Variants in MAPRE3 observed in about 807,000 individuals in gnomAD.
The protein encoded by MAPRE3 is microtubule-associated protein RP/EB family member 3.
Under a neutral mutation model 30.5 loss-of-function variants are expected in MAPRE3, and 2 were observed. The ratio of observed to expected loss-of-function variants is 0.07; its 90% CI spans 0.03 to 0.21. The LOEUF (loss-of-function observed/expected upper bound fraction) is 0.21. Among genes scored for constraint, MAPRE3 ranks in the 10% least tolerant of loss-of-function variants. The probability of loss-of-function intolerance (pLI) is 1.00; values close to 1 mark genes in which losing one functional copy is unlikely to be tolerated. For synonymous variants in MAPRE3, 110 were observed against 127.7 expected (o/e 0.86, Z 0.93); for missense variants, 204 against 351.8 (o/e 0.58, Z 3.36).
intron 1 of MAPRE3, among the ~76,000 whole-genome samples, chr2:27,021,184 T>C (rs915947472): frequency 3.9e-5 from 6 of 152,220 alleles, no homozygotes; most frequent in Admixed American, 3.3e-4. Context: ...GGGACTTGAC[T>C]GTGCATTGAC....
At chr2:26,997,126 A>G (rs1461102689) in intron 1 of MAPRE3, among the ~76,000 whole-genome samples, 1 of 152,172 alleles carries the variant, frequency 6.6e-6, no homozygotes, top group African/African-American at 2.4e-5. Context: ...CAATAGTAGA[A>G]ATTAGCAGTC....
chr2:26,984,268 A>G (rs1666173860), intron 1 of MAPRE3, among the ~76,000 whole-genome samples: 1 of 152,242 alleles, frequency 6.6e-6, no homozygotes, highest in Non-Finnish European at 1.5e-5. Context: ...TTAGAATTAA[A>G]TATTTATGAA....
At chr2:27,011,593 C>T (rs1477068227) in intron 1 of MAPRE3, among the ~76,000 whole-genome samples, 1 of 152,092 alleles carries the variant, frequency 6.6e-6, no homozygotes, top group East Asian at 1.9e-4. Context: ...TGCCTGTAAT[C>T]CTAGCACTTT....
intron 1 of MAPRE3, among the ~76,000 whole-genome samples, chr2:27,003,607 A>G (rs1666653992): frequency 6.6e-6 from 1 of 152,268 alleles, no homozygotes; most frequent in East Asian, 1.9e-4. Context: ...AGCATCTGTT[A>G]TCGATCCAGC....
In MAPRE3 at chr2:26,999,488, C is replaced by CTTTTTTTTTTTTTTTTTTTT. The variant is rs531651199; in HGVS notation, c.-7-22716_-7-22697dup. The stretch of plus-strand genomic sequence containing the variant: ...TTTTTTCTTCTTTCTTTCCTTCTTT[C>CTTTTTTTTTTTTTTTTTTTT]TTTTTTTTTTTTTTTTTTTTTTTTT... On this transcript the variant is annotated intron_variant, in intron 1 of 6. Coordinates refer to ENST00000233121, the MANE Select transcript of MAPRE3 (RefSeq NM_012326.4). 3.8e-5 allele frequency among the ~76,000 whole-genome samples: 3 copies of CTTTTTTTTTTTTTTTTTTTT among 79,006 alleles called. 1 individual carries two copies. The highest frequency in any genetic ancestry group is 3.7e-4 in the Admixed American group (2 of 5,428). 51.8% of individuals were successfully genotyped at this position (79,006 alleles called of 152,430 possible). A position where few individuals can be genotyped will look rare whatever the true frequency, so the allele number is the denominator to read the frequency against.
In MAPRE3 at chr2:27,026,405, A is replaced by G; in HGVS notation, c.*57A>G. 3.6e-6 allele frequency: 5 copies of G among 1,407,746 alleles called. No individual in the cohort carries two copies. Among genetic ancestry groups the G allele is most frequent in the Non-Finnish European group, 5.0e-6 (5 of 1,005,008 alleles). The allele number at this position is 1,407,746 out of a possible 1,614,324, so 87.2% of individuals were successfully genotyped here. A position where few individuals can be genotyped will look rare whatever the true frequency, so the allele number is the denominator to read the frequency against. ...TTCCCCGTGCCTCCCTCCCTGCTCC[A>G]CTCCCACATTATAGTCCTTTCCTAA... On this transcript the variant is annotated 3_prime_UTR_variant, in exon 7 of 7. Transcript: ENST00000233121.
At position 26,980,803 on chromosome 2, in the gene MAPRE3, T is replaced by C. The variant is rs570352662; in HGVS notation, c.-8+10001T>C. On this transcript the variant is annotated intron_variant, in intron 1 of 6. Transcript: ENST00000233121. ...AAGTTTGGTATTGACGAAGAATCAT[T>C]TTTTATAAGAAGGAGGTCTGAGCAT... Among the ~76,000 whole-genome samples, 7 of 152,314 alleles carry C rather than the reference T, an allele frequency of 4.6e-5. No individual in the cohort carries two copies. In the South Asian group the frequency reaches 1.2e-3, roughly 27 times the overall value.
chr2:27,018,842 G>A (rs1379748166), intron 1 of MAPRE3, among the ~76,000 whole-genome samples: 1 of 151,914 alleles, frequency 6.6e-6, no homozygotes, highest in African/African-American at 2.4e-5. Context: ...GAATGGAACA[G>A]AGCCTGACCA....
At chr2:26,973,037 G>A (rs951093525) in intron 1 of MAPRE3, among the ~76,000 whole-genome samples, 11 of 152,332 alleles carry the variant, frequency 7.2e-5, no homozygotes, top group African/African-American at 2.6e-4. Context: ...TTGAGGTTTT[G>A]TAGGACTGTA....
At chr2:26,984,645 A>G (rs1005543493) in intron 1 of MAPRE3, 1 of 152,242 alleles carries the variant, frequency 6.6e-6, no homozygotes, top group African/African-American at 2.4e-5. Context: ...ACTTTCTTCT[A>G]GCTCCCTCTT....
chr2:26,980,865 A>G, intron 1 of MAPRE3, among the ~76,000 whole-genome samples: 1 of 152,214 alleles, frequency 6.6e-6, no homozygotes, highest in Non-Finnish European at 1.5e-5. Context: ...TATCCAAAGA[A>G]AATAGTACAC....
chr2:26,971,507 G>T (rs368734050), intron 1 of MAPRE3, among the ~76,000 whole-genome samples: 1 of 152,204 alleles, frequency 6.6e-6, no homozygotes, highest in Non-Finnish European at 1.5e-5. Context: ...GTTGCGGAGC[G>T]GGGAGTAGAA....
chr2:26,998,546 G>A (rs1666516875), intron 1 of MAPRE3, among the ~76,000 whole-genome samples: 1 of 152,186 alleles, frequency 6.6e-6, no homozygotes, highest in South Asian at 2.1e-4. Context: ...AGCTCTCTGA[G>A]CCTCAGTTCA....
Position 27,026,674 on chromosome 2 carries a change from T to C in MAPRE3, c.*326T>C. The C allele has an allele frequency of 3.2e-6, 1 of 317,366 alleles. No individual in the cohort carries two copies. Among genetic ancestry groups the C allele is most frequent in the Non-Finnish European group, 5.7e-6 (1 of 174,166 alleles). The allele number at this position is 317,366 out of a possible 1,614,324, so 19.7% of individuals were successfully genotyped here. Reference sequence around the variant, plus strand: ...CCACCTGCTCCTGACAGCCAGCAGCTGTGTATTTGACAAAGTCATTGGTAT... The same window carrying C: ...CCACCTGCTCCTGACAGCCAGCAGCCGTGTATTTGACAAAGTCATTGGTAT... On this transcript the variant is annotated 3_prime_UTR_variant, in exon 7 of 7. Transcript: ENST00000233121.
intron 1 of MAPRE3, among the ~76,000 whole-genome samples, chr2:26,983,853 A>G (rs369534351): frequency 6.6e-6 from 1 of 152,188 alleles, no homozygotes; most frequent in East Asian, 1.9e-4. Flanking sequence ...GAAGCTTCCC[A>G]AGATACCCAT....
chr2:27,004,092 G>A, intron 1 of MAPRE3, among the ~76,000 whole-genome samples: 1 of 152,130 alleles, frequency 6.6e-6, no homozygotes, highest in East Asian at 1.9e-4. Context: ...ACATAATGAT[G>A]TCCAAAAAGC....
At chr2:27,016,429 GGCT>G in intron 1 of MAPRE3, among the ~76,000 whole-genome samples, 1 of 149,274 alleles carries the variant, frequency 6.7e-6, no homozygotes, top group Non-Finnish European at 1.5e-5. Flanking sequence ...CTTTTGCCCA[GGCT>G]GGAGTGCAGT....
At chr2:27,016,461 T>C (rs1424721623) in intron 1 of MAPRE3, among the ~76,000 whole-genome samples, 1 of 150,524 alleles carries the variant, frequency 6.6e-6, no homozygotes, top group Non-Finnish European at 1.5e-5. Context: ...CTTGGCTCAC[T>C]GCAAGCTCCG....
intron 1 of MAPRE3, among the ~76,000 whole-genome samples, chr2:27,018,529 T>A (rs1667037255): frequency 6.6e-6 from 1 of 152,208 alleles, no homozygotes; most frequent in Non-Finnish European, 1.5e-5. Flanking sequence ...TATACTGTTC[T>A]CATGTGTGCA....
Sources: allele counts gnomAD v4.1 joint callset (sites outside exome capture counted in the v4.1 genomes callset), GRCh38; gene constraint gnomAD v4.1.1; transcripts MANE v1.5; gene names NCBI Gene and HGNC (gene_info 2026-07-23, HGNC 2026-07-21).